The following MAP4K4 variants were observed in gnomAD, a reference collection of about 807,000 sequenced individuals.
The protein encoded by MAP4K4 is HPK/GCK-like kinase HGK.
A neutral mutation model predicts 189.6 loss-of-function variants in MAP4K4; 38 were observed. The observed-to-expected ratio is 0.20, with a 90% CI of 0.15 to 0.26. The LOEUF (loss-of-function observed/expected upper bound fraction) is 0.26, where lower values mean the gene tolerates loss of function less well. Among genes scored for constraint, MAP4K4 ranks in the 10% least tolerant of loss-of-function variants. MAP4K4 has a pLI of 1.00. For missense variants in MAP4K4, 1,054 were observed against 1,726.9 expected, an observed-to-expected ratio of 0.61 and a Z score of 6.91; for synonymous variants, 610 against 624.3, an observed-to-expected ratio of 0.98 and a Z score of 0.34.
chr2:101,835,833 C>A, intron 8 of MAP4K4, 67 bp from the exon 9 acceptor site: 1 of 1,074,464 alleles, frequency 9.3e-7, no homozygotes, highest in South Asian at 1.3e-5. Flanking sequence ...TTATTTATGA[C>A]TGAACCCTAG....
At chr2:101,860,187 A>G in intron 15 of MAP4K4, 1 of 394,244 alleles carries the variant, frequency 2.5e-6, no homozygotes, top group Non-Finnish European at 4.8e-6. Flanking sequence ...CTGATGAACT[A>G]TTCTGCCAAG....
chr2:101,698,243 C>G (rs932540675), intron 1 of MAP4K4, 106 bp downstream of exon 1: 2 of 400,760 alleles, frequency 5.0e-6, no homozygotes, highest in Non-Finnish European at 6.9e-6. Context: ...TGGGCAGAGC[C>G]GCGGGGCGCG....
At chr2:101,858,769 G>A (rs566693351) in intron 13 of MAP4K4, among the ~76,000 whole-genome samples, 4 of 152,072 alleles carry the variant, frequency 2.6e-5, no homozygotes, top group East Asian at 3.9e-4. Context: ...AGATCCCTTC[G>A]TGTATATTAT....
At chr2:101,840,060 A>T in intron 10 of MAP4K4, 66 bp downstream of exon 10, 1 of 1,461,080 alleles carries the variant, frequency 6.8e-7, no homozygotes, top group Non-Finnish European at 9.2e-7. Context: ...CAACTAGAGT[A>T]GGTCCCTCCC....
At chr2:101,747,114 T>A (rs939626191) in intron 2 of MAP4K4, among the ~76,000 whole-genome samples, 2 of 152,080 alleles carry the variant, frequency 1.3e-5, no homozygotes, top group Non-Finnish European at 2.9e-5. Flanking sequence ...CCATATTCTT[T>A]TTTTTTGTTT....
At chr2:101,734,631 G>A (rs1490271460) in intron 2 of MAP4K4, among the ~76,000 whole-genome samples, 3 of 152,254 alleles carry the variant, frequency 2.0e-5, no homozygotes, top group Non-Finnish European at 2.9e-5. Flanking sequence ...GTGAGAACTG[G>A]CCTGTCCTCT....
chr2:101,777,824 G>A (rs2085083714), intron 2 of MAP4K4, among the ~76,000 whole-genome samples: 1 of 152,152 alleles, frequency 6.6e-6, no homozygotes, highest in Non-Finnish European at 1.5e-5. Context: ...ATATCAGAAT[G>A]TTGGCCTCAG....
chr2:101,821,442 T>C (rs1369088183), intron 3 of MAP4K4, among the ~76,000 whole-genome samples: 1 of 152,202 alleles, frequency 6.6e-6, no homozygotes, highest in Non-Finnish European at 1.5e-5. Context: ...GCTGCAGACA[T>C]GTACAATATG....
rs138428882 is a variant in MAP4K4, at chr2:101,706,327, T to C, written c.123+7789T>C. On this transcript the variant is annotated intron_variant, in intron 2 of 32. Coordinates refer to ENST00000324219, the Ensembl canonical transcript of MAP4K4. ...TTGAATATTTAACTCCTATACTTGC[T>C]GCCTCCCTTAAGTGGGCATACCATA... is the stretch of plus-strand genomic sequence containing the variant. 9.1e-3 allele frequency among the ~76,000 whole-genome samples: 1,394 copies of C among 152,358 alleles called. 30 individuals are homozygous for C. Among genetic ancestry groups the C allele is most frequent in the African/African-American group, 0.032 (1,344 of 41,584 alleles).
chr2:101,785,505 A>G (rs187899136), intron 2 of MAP4K4, among the ~76,000 whole-genome samples: 110 of 152,312 alleles, frequency 7.2e-4, no homozygotes, highest in Non-Finnish European at 1.2e-3. Flanking sequence ...CTTAATATGG[A>G]TGAGACAATG....
chr2:101,702,820 G>C (rs2039752711), intron 2 of MAP4K4, among the ~76,000 whole-genome samples: 1 of 152,172 alleles, frequency 6.6e-6, no homozygotes, highest in Non-Finnish European at 1.5e-5. Flanking sequence ...GGGTACCCTA[G>C]GCCCAAAGAC....
chr2:101,828,812 G>A (rs2096480070), intron 5 of MAP4K4, among the ~76,000 whole-genome samples: 1 of 152,168 alleles, frequency 6.6e-6, no homozygotes. Context: ...GCTGTCTCTT[G>A]GACCATATTT....
chr2:101,863,053 A>G (rs540269043), intron 16 of MAP4K4, among the ~76,000 whole-genome samples: 25 of 152,322 alleles, frequency 1.6e-4, no homozygotes, highest in South Asian at 4.1e-4. Context: ...TTTAGAAGCA[A>G]CCAGATAAAC....
chr2:101,858,907 T>G, intron 13 of MAP4K4, 89 bp from the exon 14 acceptor site: 2 of 864,758 alleles, frequency 2.3e-6, no homozygotes, highest in South Asian at 3.3e-5. Flanking sequence ...TAAAGGTGAT[T>G]GGAGCAAATG....
At chr2:101,762,516 C>G (rs1391822123) in intron 2 of MAP4K4, among the ~76,000 whole-genome samples, 7 of 152,286 alleles carry the variant, frequency 4.6e-5, no homozygotes, top group Admixed American at 4.6e-4. Context: ...TCCCATTCAA[C>G]CCTGAGTACA....
Position 101,870,431 on chromosome 2 carries a change from CTG to C in MAP4K4, c.2760+18_2760+19del, listed in dbSNP as rs1559276495. The stretch of plus-strand genomic sequence containing the variant: ...CGTCCGCCAGGTACCCGTGTCTTCT[CTG>C]TTGTCAGAGGCTGAGCTTCTCCTGT... On this transcript the variant is annotated intron_variant, in intron 23 of 32. Coordinates refer to ENST00000324219, the Ensembl canonical transcript of MAP4K4. The C allele has an allele frequency of 6.2e-7, 1 of 1,612,914 alleles. No homozygotes were observed.
intron 32 of MAP4K4, 124 bp downstream of exon 32, chr2:101,889,059 G>T: frequency 1.0e-6 from 1 of 971,094 alleles, no homozygotes; most frequent in Non-Finnish European, 1.5e-6. Context: ...CTTTTTAAAC[G>T]TTGCTTTTTA....
exon 13 of MAP4K4, chr2:101,856,089 A>G: frequency 6.4e-7 from 1 of 1,551,702 alleles, no homozygotes; most frequent in Non-Finnish European, 8.7e-7. Flanking sequence ...AAAGAAGAAG[A>G]GGAGAGGAGA....
At chr2:101,756,866 C>T (rs1306712601) in intron 2 of MAP4K4, among the ~76,000 whole-genome samples, 1 of 151,966 alleles carries the variant, frequency 6.6e-6, no homozygotes, top group African/African-American at 2.4e-5. Flanking sequence ...TGCACCAAGC[C>T]ATTACAGGGG....
Sources: gnomAD v4.1 joint callset for allele counts (sites outside exome capture counted in the v4.1 genomes callset) on GRCh38, gnomAD v4.1.1 for gene constraint, MANE v1.5 for transcripts, NCBI Gene and HGNC (gene_info 2026-07-23, HGNC 2026-07-21) for gene names.